PTPRD: variants seen among roughly 807,000 people sequenced by gnomAD.
PTPRD encodes the protein receptor-type tyrosine-protein phosphatase delta.
PTPRD carries 34 observed loss-of-function variants against 214.5 expected under a neutral mutation model. The observed-to-expected ratio is 0.16, with a 90% confidence interval of 0.12 to 0.21. PTPRD has a LOEUF of 0.21. Among genes scored for constraint, PTPRD ranks in the 10% least tolerant of loss-of-function variants. The pLI is 1.00. For missense variants in PTPRD, 2,545 were observed against 2,398.7 expected (o/e 1.06, Z -1.27); for synonymous variants, 1,128 against 845.7 (o/e 1.33, Z -5.79).
chr9:9,073,046 A>G (rs1483320290), intron 10 of PTPRD, among the ~76,000 whole-genome samples: 3 of 152,202 alleles, frequency 2.0e-5, no homozygotes, highest in Non-Finnish European at 4.4e-5. Flanking sequence ...TTTCAATAAT[A>G]TAATGGTGAA....
At chr9:8,877,224 C>T (rs922674142) in intron 11 of PTPRD, among the ~76,000 whole-genome samples, 1 of 152,152 alleles carries the variant, frequency 6.6e-6, no homozygotes, top group Non-Finnish European at 1.5e-5. Context: ...CGCGCCCAGC[C>T]TGTTTTACGT....
chr9:9,912,800 C>A (rs1260546737), intron 5 of PTPRD, among the ~76,000 whole-genome samples: 2 of 152,224 alleles, frequency 1.3e-5, no homozygotes, highest in South Asian at 4.1e-4. Flanking sequence ...TTTTTGTAAA[C>A]AAATGTGATT....
intron 36 of PTPRD, among the ~76,000 whole-genome samples, chr9:8,403,561 G>C (rs1303240919): frequency 1.3e-5 from 2 of 152,188 alleles, no homozygotes; most frequent in African/African-American, 4.8e-5. Context: ...TGAACTTCTA[G>C]TTGTTTTAAT....
chr9:9,246,319 A>G (rs1167060492), intron 9 of PTPRD, among the ~76,000 whole-genome samples: 1 of 152,032 alleles, frequency 6.6e-6, no homozygotes. Context: ...TTAAAACTGA[A>G]CTTTTCCTGC....
At chr9:9,919,441 C>G (rs138529358) in intron 5 of PTPRD, among the ~76,000 whole-genome samples, 1 of 152,232 alleles carries the variant, frequency 6.6e-6, no homozygotes, top group African/African-American at 2.4e-5. Context: ...AGACACCTCC[C>G]TTACCAGTGA....
intron 10 of PTPRD, among the ~76,000 whole-genome samples, chr9:9,145,484 TG>T (rs2099867085): frequency 6.6e-6 from 1 of 152,178 alleles, no homozygotes; most frequent in Non-Finnish European, 1.5e-5. Context: ...CAAGAATACC[TG>T]GTCATCACAA....
intron 6 of PTPRD, among the ~76,000 whole-genome samples, chr9:9,761,755 T>G (rs529226420): frequency 6.6e-6 from 1 of 152,276 alleles, no homozygotes; most frequent in South Asian, 2.1e-4. Context: ...CTATTCATTA[T>G]CATTCCATCA....
At chr9:9,865,450 C>T (rs987321109) in intron 5 of PTPRD, among the ~76,000 whole-genome samples, 1 of 152,178 alleles carries the variant, frequency 6.6e-6, no homozygotes, top group Non-Finnish European at 1.5e-5. Flanking sequence ...TATAAGCGTG[C>T]TCAGCCCCTT....
chr9:9,581,306 T>C (rs193054605), intron 7 of PTPRD, among the ~76,000 whole-genome samples: 3 of 152,274 alleles, frequency 2.0e-5, no homozygotes, highest in Admixed American at 6.5e-5. Context: ...GAATACATAA[T>C]ATTGTTACAA....
At chr9:8,785,927 T>A (rs2095932628) in intron 11 of PTPRD, among the ~76,000 whole-genome samples, 1 of 152,208 alleles carries the variant, frequency 6.6e-6, no homozygotes, top group Non-Finnish European at 1.5e-5. Flanking sequence ...AAGCAAAATC[T>A]TTTTCCTTTA....
intron 5 of PTPRD, among the ~76,000 whole-genome samples, chr9:9,815,294 C>G (rs1335471454): frequency 6.6e-6 from 1 of 151,902 alleles, no homozygotes; most frequent in African/African-American, 2.4e-5. Flanking sequence ...ATAAATGGTG[C>G]CTGGAAAACT....
intron 10 of PTPRD, among the ~76,000 whole-genome samples, chr9:9,135,376 A>T (rs185232322): frequency 3.3e-5 from 5 of 152,310 alleles, no homozygotes; most frequent in Admixed American, 3.3e-4. Flanking sequence ...TTCTGGATTG[A>T]ATTTTTTGAA....
In PTPRD at chr9:10,554,882, G is replaced by A. The variant is rs184650592; in HGVS notation, c.-600+57516C>T. 6.5e-3 allele frequency among the ~76,000 whole-genome samples: 987 copies of A among 152,148 alleles called. 17 individuals are homozygous for A. Among genetic ancestry groups the A allele is most frequent in the Middle Eastern group, 0.014 (4 of 294 alleles). The stretch of plus-strand genomic sequence containing the variant: ...TCACTGTGTTAGCCAGGATGGTCTC[G>A]ATCTCCTGACCTCGTGATCCGCCCA... On this transcript the variant is annotated intron_variant, in intron 2 of 45. Transcript: ENST00000381196.
At chr9:9,897,562 C>T (rs540349415) in intron 5 of PTPRD, among the ~76,000 whole-genome samples, 144 of 151,928 alleles carry the variant, frequency 9.5e-4, no homozygotes, top group Non-Finnish European at 1.8e-3. Context: ...TTTTAAAATA[C>T]CCCCATAGGA....
chr9:9,963,767 T>A (rs1232458553), intron 4 of PTPRD, among the ~76,000 whole-genome samples: 1 of 152,144 alleles, frequency 6.6e-6, no homozygotes, highest in Non-Finnish European at 1.5e-5. Context: ...AGAGATGAAC[T>A]TATGGCTTCA....
At chr9:9,701,624 A>T (rs2097503971) in intron 7 of PTPRD, among the ~76,000 whole-genome samples, 1 of 152,250 alleles carries the variant, frequency 6.6e-6, no homozygotes, top group African/African-American at 2.4e-5. Context: ...TGGGAGATAC[A>T]TATGAAAGAC....
intron 3 of PTPRD, among the ~76,000 whole-genome samples, chr9:10,212,783 T>G (rs760752119): frequency 6.6e-6 from 1 of 152,072 alleles, no homozygotes; most frequent in Admixed American, 6.6e-5. Flanking sequence ...CTTGCTGGAG[T>G]CCTACAAGGT....
intron 14 of PTPRD, among the ~76,000 whole-genome samples, chr9:8,564,677 G>A (rs1347371923): frequency 6.6e-6 from 1 of 152,102 alleles, no homozygotes; most frequent in African/African-American, 2.4e-5. Flanking sequence ...TCCAGCCTGG[G>A]CGACAGAATG....
intron 35 of PTPRD, among the ~76,000 whole-genome samples, chr9:8,409,836 T>C (rs2093365691): frequency 6.6e-6 from 1 of 152,200 alleles, no homozygotes; most frequent in African/African-American, 2.4e-5. Context: ...AATTTAATTA[T>C]ATAGAAGGAA....
Sources: allele counts gnomAD v4.1 joint callset (sites outside exome capture counted in the v4.1 genomes callset), GRCh38; gene constraint gnomAD v4.1.1; transcripts MANE v1.5; gene names NCBI Gene and HGNC (gene_info 2026-07-23, HGNC 2026-07-21).